Variants in DUSP2 observed in about 807,000 individuals in gnomAD.
DUSP2 encodes dual specificity phosphatase 2.
Under a neutral mutation model 23.3 loss-of-function variants are expected in DUSP2, and 20 were observed. The ratio of observed to expected loss-of-function variants is 0.86; its 90% CI spans 0.60 to 1.25. The LOEUF is 1.25. Among genes scored for constraint, DUSP2 ranks in the 50% most tolerant of loss-of-function variants. The pLI is 0.00. For synonymous variants in DUSP2, 231 were observed against 209.7 expected (o/e 1.10, Z -0.88); for missense variants, 435 against 452.6 (o/e 0.96, Z 0.35).
chr2:96,144,937 G>A lies in DUSP2; in HGVS notation c.388+30C>T, dbSNP rs894813176. On this transcript the variant is annotated intron_variant, in intron 1 of 3. Coordinates refer to ENST00000288943, the MANE Select transcript of DUSP2 (RefSeq NM_004418.4). ...GGGAAAGCCGGGCTGGAGTCGGGTGGGGCGGGCCAAGGGCGGCCGGCTTGC... is the reference window on the plus strand; with the variant it reads ...GGGAAAGCCGGGCTGGAGTCGGGTGAGGCGGGCCAAGGGCGGCCGGCTTGC... 7.1e-6 allele frequency: 11 copies of A among 1,548,970 alleles called. No individual in the cohort carries two copies. The East Asian group carries it at 2.7e-4, about 37-fold the overall frequency.
In DUSP2 at chr2:96,144,901, C is replaced by A. The variant is rs2104788991; in HGVS notation, c.389-19G>T. 6.5e-7 allele frequency: 1 copy of A among 1,548,006 alleles called. No homozygotes were observed. The highest frequency in any genetic ancestry group is 1.2e-5 in the South Asian group (1 of 83,726). On this transcript the variant is annotated intron_variant, in intron 1 of 3. Coordinates refer to ENST00000288943, the MANE Select transcript of DUSP2 (RefSeq NM_004418.4). Reference sequence around the variant, plus strand: ...AAGCCTCCTGCAAGGAGGGGAAGAGCACGATCAGCAGGGAAAGCCGGGCTG... The same window carrying A: ...AAGCCTCCTGCAAGGAGGGGAAGAGAACGATCAGCAGGGAAAGCCGGGCTG...
rs768266724 is a variant in DUSP2 at position 96,145,103 on chromosome 2, C to T, written c.252G>A (p.Glu84=). The T allele has an allele frequency of 8.4e-6, 12 of 1,430,632 alleles. No individual in the cohort carries two copies. The highest frequency in any genetic ancestry group is 3.0e-5 in the African/African-American group (2 of 66,558). 88.6% of individuals were successfully genotyped at this position (1,430,632 alleles called of 1,614,324 possible). A position where few individuals can be genotyped will look rare whatever the true frequency, so the allele number is the denominator to read the frequency against. Residue 84 remains glutamate (E), a synonymous_variant, in exon 1 of 4, where the codon GAG becomes GAA. Transcript: ENST00000288943. Reference sequence around the variant, plus strand: ...CGTCCAGCACCACGGCCCGCGCCAGCTCCCCGCGGACCAGGCGCGTCCGCA... The same window carrying T: ...CGTCCAGCACCACGGCCCGCGCCAGTTCCCCGCGGACCAGGCGCGTCCGCA... ...RALRTRLVRG[E]LARAVVLDEG...
intron 2 of DUSP2, 41 bp from the exon 3 acceptor site, chr2:96,144,414 C>G: frequency 6.3e-7 from 1 of 1,590,936 alleles, no homozygotes; most frequent in Non-Finnish European, 8.6e-7. Flanking sequence ...TCCAGCCCAG[C>G]CCCGGAGAGC....
At chr2:96,144,730 G>A (rs922517221) in intron 2 of DUSP2, 31 bp downstream of exon 2, 2 of 1,515,458 alleles carry the variant, frequency 1.3e-6, no homozygotes, top group Non-Finnish European at 1.8e-6. Context: ...GGGGAGAGAG[G>A]GAGGTTCGGG....
rs201028960 is a variant in DUSP2, at chr2:96,144,248, G to A, written c.636C>T (p.His212=). The A allele has an allele frequency of 6.2e-7, 1 of 1,614,126 alleles. No individual in the cohort carries two copies. Among genetic ancestry groups the A allele is most frequent in the Admixed American group, 1.7e-5 (1 of 60,036 alleles). ...VLNVSASCPN[H]FEGLFRYKSI... is the part of the protein sequence containing the mutation. ...TCTTGTAGCGGAAAAGGCCCTCAAA[G>A]TGGTTGGGGCAGCTGGCGGACACGT... Residue 212 remains histidine (H), a synonymous_variant, in exon 3 of 4, where the codon CAC becomes CAT. Transcript: ENST00000288943.
Position 96,143,983 on chromosome 2 carries a change from G to A in DUSP2, c.785C>T (p.Ser262Leu), listed in dbSNP as rs756203530. 3.7e-6 allele frequency: 6 copies of A among 1,613,688 alleles called. No homozygotes were observed. Among genetic ancestry groups the A allele is most frequent in the South Asian group, 2.2e-5 (2 of 91,090 alleles). The change falls in exon 4 of 4, where the codon TCG becomes TTG. Residue 262 changes from serine (S) to leucine (L), a missense_variant. By Grantham distance (145) the Ser-to-Leu change is moderately radical. Transcript: ENST00000288943. ...RVLVHCQAGI[S>L]RSATICLAYL... Reference sequence around the variant, plus strand: ...TGCCAGACAGATGGTGGCAGAGCGCGAGATACCCGCCTGGCAGTGCACCAG... The same window carrying A: ...TGCCAGACAGATGGTGGCAGAGCGCAAGATACCCGCCTGGCAGTGCACCAG...
intron 2 of DUSP2, 112 bp downstream of exon 2, chr2:96,144,649 G>T (rs1682469927): frequency 2.9e-6 from 3 of 1,021,078 alleles, no homozygotes; most frequent in Non-Finnish European, 2.8e-6. Flanking sequence ...GTATAAAAGT[G>T]TGTGTATATG....
chr2:96,144,247 A>G lies in DUSP2; in HGVS notation c.637T>C (p.Phe213Leu). The G allele has an allele frequency of 6.2e-7, 1 of 1,614,056 alleles. No individual in the cohort carries two copies. ...LNVSASCPNHFEGLFRYKSIP... is the reference protein window; with the variant it reads ...LNVSASCPNHLEGLFRYKSIP... ...CTCTTGTAGCGGAAAAGGCCCTCAAAGTGGTTGGGGCAGCTGGCGGACACG... is the reference window on the plus strand; with the variant it reads ...CTCTTGTAGCGGAAAAGGCCCTCAAGGTGGTTGGGGCAGCTGGCGGACACG... Residue 213 changes from phenylalanine (F) to leucine (L), a missense_variant, in exon 3 of 4, where the codon TTT becomes CTT. Coordinates refer to ENST00000288943, the MANE Select transcript of DUSP2 (RefSeq NM_004418.4).
chr2:96,143,533 G>A lies in DUSP2; in HGVS notation c.*290C>T, dbSNP rs1019455834. Reference sequence around the variant, plus strand: ...TGGTGGTGGACCAGGGAGAGTCCACGGTATAGCGTCTAGCTGATTTCTGCC... The same window carrying A: ...TGGTGGTGGACCAGGGAGAGTCCACAGTATAGCGTCTAGCTGATTTCTGCC... On this transcript the variant is annotated 3_prime_UTR_variant, in exon 4 of 4. Transcript: ENST00000288943. The A allele has an allele frequency of 1.7e-5, 7 of 415,324 alleles. No homozygotes were observed. Among genetic ancestry groups the A allele is most frequent in the African/African-American group, 8.1e-5 (4 of 49,524 alleles). The allele number at this position is 415,324 out of a possible 1,614,324, so 25.7% of individuals were successfully genotyped here. A position where few individuals can be genotyped will look rare whatever the true frequency, so the allele number is the denominator to read the frequency against.
chr2:96,145,246 C>T lies in DUSP2; in HGVS notation c.109G>A (p.Ala37Thr). The change falls in exon 1 of 4, where the codon GCC (alanine) becomes ACC (threonine). Residue 37 changes from alanine (A) to threonine (T), a missense_variant. Ala to Thr is a moderately conservative substitution (Grantham distance 58). Transcript: ENST00000288943. ...TLLLDCRPFL[A>T]FCRRHVRAAR... is the part of the protein sequence containing the mutation. ...GCGCGCACGTGGCGCCGGCAGAAGG[C>T]CAGGAAGGGGCGGCAGTCCAGCAGC... 7.8e-7 allele frequency: 1 copy of T among 1,284,890 alleles called. No individual in the cohort carries two copies. The highest frequency in any genetic ancestry group is 9.8e-7 in the Non-Finnish European group (1 of 1,022,238). 79.6% of individuals were successfully genotyped at this position (1,284,890 alleles called of 1,614,324 possible). A position where few individuals can be genotyped will look rare whatever the true frequency, so the allele number is the denominator to read the frequency against.
chr2:96,144,857 G>A lies in DUSP2; in HGVS notation c.414C>T (p.Cys138=). 1.9e-6 allele frequency: 3 copies of A among 1,554,142 alleles called. No homozygotes were observed. Among genetic ancestry groups the A allele is most frequent in the Non-Finnish European group, 1.7e-6 (2 of 1,149,098 alleles). ...GGGCCTCAGAGCACAGATCGGGACA[G>A]CAGCCCTGGAAGCCGTCGAAGCCTC... is the stretch of plus-strand genomic sequence containing the variant. The part of the protein sequence containing the change: ...LRGGFDGFQG[C]CPDLCSEAPA... Residue 138 remains cysteine (C), a synonymous_variant, in exon 2 of 4, where the codon TGC becomes TGT. Transcript: ENST00000288943.
Position 96,143,961 on chromosome 2 carries a change from C to G in DUSP2, c.807G>C (p.Leu269=), listed in dbSNP as rs766312401. 1.2e-6 allele frequency: 2 copies of G among 1,613,890 alleles called. No homozygotes were observed. Among genetic ancestry groups the G allele is most frequent in the South Asian group, 2.2e-5 (2 of 91,082 alleles). ...CACGGCGACTCTGCATGAGGTATGC[C>G]AGACAGATGGTGGCAGAGCGCGAGA... ...AGISRSATIC[L]AYLMQSRRVR... Residue 269 remains leucine (L), a synonymous_variant, in exon 4 of 4, where the codon CTG becomes CTC. Transcript: ENST00000288943.
chr2:96,144,149 C>G lies in DUSP2; in HGVS notation c.730+5G>C. On this transcript the variant is annotated splice_donor_5th_base_variant and intron_variant, in intron 3 of 3. Transcript: ENST00000288943. ...CGGGATTTCTGGGCAGAGGTGCCCC[C>G]TTACCAATGAAGCCTATGGCCTCCT... The G allele has an allele frequency of 6.2e-7, 1 of 1,614,000 alleles. No individual in the cohort carries two copies. Among genetic ancestry groups the G allele is most frequent in the Admixed American group, 1.7e-5 (1 of 60,028 alleles).
In DUSP2 at chr2:96,144,320, C is replaced by T. The variant is rs1682461432; in HGVS notation, c.564G>A (p.Ser188=). The T allele has an allele frequency of 1.2e-6, 2 of 1,613,696 alleles. No homozygotes were observed. Among genetic ancestry groups the T allele is most frequent in the Admixed American group, 1.7e-5 (1 of 60,010 alleles). The change falls in exon 3 of 4, where the codon TCG becomes TCA. Residue 188 remains serine (S), a synonymous_variant. Transcript: ENST00000288943. ...PYLFLGSCSH[S]SDLQGLQACG... is the part of the protein sequence containing the mutation. ...AGGCCTGCAGCCCCTGCAGGTCTGA[C>T]GAGTGACTGCAGCTGCCCAGGAACA... is the stretch of plus-strand genomic sequence containing the variant.
Position 96,144,049 on chromosome 2 carries a change from A to G in DUSP2, c.731-12T>C. ...GTTCTTCACCCAGTCTGCAAGGGAG[A>G]TGGGGGAGTGGTGTCAGACGGAATG... On this transcript the variant is annotated splice_polypyrimidine_tract_variant and intron_variant, in intron 3 of 3. Transcript: ENST00000288943. The G allele has an allele frequency of 6.2e-7, 1 of 1,613,482 alleles. No homozygotes were observed.
In DUSP2 at chr2:96,144,024, G is replaced by A. The variant is rs777343774; in HGVS notation, c.744C>T (p.Asn248=). ...EAIGFIDWVK[N]SGGRVLVHCQ... ...AGTGCACCAGCACCCGGCCTCCGCT[G>A]TTCTTCACCCAGTCTGCAAGGGAGA... The change falls in exon 4 of 4, where the codon AAC becomes AAT. Residue 248 remains asparagine (N), a synonymous_variant. Coordinates refer to ENST00000288943, the MANE Select transcript of DUSP2 (RefSeq NM_004418.4). 5.6e-6 allele frequency: 9 copies of A among 1,613,790 alleles called. No individual in the cohort carries two copies. The South Asian group carries it at 9.9e-5, about 18-fold the overall frequency.
chr2:96,143,436 G>T lies in DUSP2; in HGVS notation c.*387C>A. 1 of 202,652 alleles carries T rather than the reference G, an allele frequency of 4.9e-6. No individual in the cohort carries two copies. Among genetic ancestry groups the T allele is most frequent in the Non-Finnish European group, 1.0e-5 (1 of 97,920 alleles). 12.6% of individuals were successfully genotyped at this position (202,652 alleles called of 1,614,324 possible). On this transcript the variant is annotated 3_prime_UTR_variant, in exon 4 of 4. Transcript: ENST00000288943. ...CTTGGGCTCCAGGCCCTGGGCAGAC[G>T]AACCCACAGACAGGGCTCCTGGTTG...
rs1434252004 is a variant in DUSP2, at chr2:96,145,243, A to G, written c.112T>C (p.Phe38Leu). ...GCGGCGCGCACGTGGCGCCGGCAGA[A>G]GGCCAGGAAGGGGCGGCAGTCCAGC... ...LLLDCRPFLA[F>L]CRRHVRAARP... Residue 38 changes from phenylalanine to leucine, a missense_variant, in exon 1 of 4, where the codon TTC becomes CTC. Transcript: ENST00000288943. The G allele has an allele frequency of 1.6e-6, 2 of 1,276,916 alleles. No homozygotes were observed. The highest frequency in any genetic ancestry group is 1.6e-5 in the African/African-American group (1 of 64,492). The allele number at this position is 1,276,916 out of a possible 1,614,324, so 79.1% of individuals were successfully genotyped here.
chr2:96,145,035 G>A lies in DUSP2; in HGVS notation c.320C>T (p.Ala107Val). ...CAGCAGCGCGGCCAGCAGCACATGA[G>A]CCGGGCTGTCGGGCCGGAGCTCCGC... ...SVAELRPDSP[A>V]HVLLAALLHE... The change falls in exon 1 of 4, where the codon GCT (alanine) becomes GTT (valine). Residue 107 changes from alanine to valine, a missense_variant. By Grantham distance (64) the Ala-to-Val change is moderately conservative (BLOSUM62 0). Coordinates refer to ENST00000288943, the MANE Select transcript of DUSP2 (RefSeq NM_004418.4). 4 of 1,533,178 alleles carry A rather than the reference G, an allele frequency of 2.6e-6. No individual in the cohort carries two copies. The highest frequency in any genetic ancestry group is 1.2e-5 in the South Asian group (1 of 83,960). The allele number at this position is 1,533,178 out of a possible 1,614,324, so 95.0% of individuals were successfully genotyped here. A position where few individuals can be genotyped will look rare whatever the true frequency, so the allele number is the denominator to read the frequency against.
Sources: gnomAD v4.1 joint callset for allele counts on GRCh38, gnomAD v4.1.1 for gene constraint, MANE v1.5 for transcripts, NCBI Gene and HGNC (gene_info 2026-07-23, HGNC 2026-07-21) for gene names.